Variants in IL12RB1 observed in about 807,000 individuals in gnomAD.
IL12RB1 encodes interleukin-12 receptor subunit beta-1.
IL12RB1 carries 64 observed loss-of-function variants against 94.4 expected under a neutral mutation model. The observed-to-expected ratio is 0.68, with a 90% CI of 0.55 to 0.83. IL12RB1 has a LOEUF of 0.83. IL12RB1 is among the 40% of genes least tolerant of loss of function. The pLI, the probability that IL12RB1 is intolerant of heterozygous loss-of-function variation, is 0.00. For synonymous variants in IL12RB1, 362 were observed against 355.5 expected, an observed-to-expected ratio of 1.02 and a Z score of -0.21; for missense variants, 814 against 855.6, an observed-to-expected ratio of 0.95 and a Z score of 0.61.
chr19:18,067,276 A>G (rs1011358485), intron 11 of IL12RB1, among the ~76,000 whole-genome samples: 4 of 143,730 alleles, frequency 2.8e-5, no homozygotes, highest in Admixed American at 7.3e-5. Context: ...GTGAGCCAAG[A>G]TCGTGCCACT....
chr19:18,087,152 G>A (rs2036401582), upstream of IL12RB1: 2 of 432,182 alleles, frequency 4.6e-6, no homozygotes, highest in Non-Finnish European at 4.3e-6. Flanking sequence ...AGCCCCATGG[G>A]CCCATGGGCC....
In IL12RB1 at chr19:18,075,597, A is replaced by G. The variant is rs191564501; in HGVS notation, c.700+152T>C. 1.9e-5 allele frequency: 14 copies of G among 721,584 alleles called. No homozygotes were observed. The African/African-American group carries it at 2.4e-4, about 13-fold the overall frequency. 44.7% of individuals were successfully genotyped at this position (721,584 alleles called of 1,614,324 possible). On this transcript the variant is annotated intron_variant, in intron 7 of 16. Coordinates refer to ENST00000593993, the MANE Select transcript of IL12RB1 (RefSeq NM_005535.3). Reference sequence around the variant, plus strand: ...TATTTTTTAGAGATGGGGTCTCACTATGTTGCCCGGGCTGGTCTCAAACCA... The same window carrying G: ...TATTTTTTAGAGATGGGGTCTCACTGTGTTGCCCGGGCTGGTCTCAAACCA...
chr19:18,064,134 C>T (rs1489290339), intron 12 of IL12RB1, 124 bp from the exon 13 acceptor site: 169 of 422,698 alleles, frequency 4.0e-4, no homozygotes, highest in South Asian at 5.8e-4. Flanking sequence ...TCTACTCTTT[C>T]TTTCTTTTTT....
At chr19:18,084,591 A>G (rs1276522199) in intron 1 of IL12RB1, among the ~76,000 whole-genome samples, 1 of 151,118 alleles carries the variant, frequency 6.6e-6, no homozygotes, top group Non-Finnish European at 1.5e-5. Context: ...CCATCTATCC[A>G]TCCACGTATT....
At chr19:18,079,679 G>A (rs919926470) in intron 4 of IL12RB1, among the ~76,000 whole-genome samples, 3 of 152,158 alleles carry the variant, frequency 2.0e-5, no homozygotes, top group African/African-American at 7.2e-5. Flanking sequence ...GGAGGCTGAG[G>A]CGGGTGGATC....
At chr19:18,071,632 A>AAACC (rs1016670158) in intron 9 of IL12RB1, among the ~76,000 whole-genome samples, 2 of 151,902 alleles carry the variant, frequency 1.3e-5, no homozygotes, top group Non-Finnish European at 2.9e-5. Flanking sequence ...TAAAAAAAAC[A>AAACC]AACCAACAAC....
Position 18,072,310 on chromosome 19 carries a change from C to T in IL12RB1, c.823G>A (p.Ala275Thr). ...LELPEGCQGL[A>T]PGTEVTYRLQ... is the part of the protein sequence containing the mutation. ...CGGTAAGTGACCTCCGTGCCAGGCG[C>T]CAGCCCTTGACAGCCTTCTGGAAGC... Residue 275 changes from alanine to threonine, a missense_variant, in exon 9 of 17, where the codon GCG becomes ACG. By Grantham distance (58) the Ala-to-Thr change is moderately conservative (BLOSUM62 0). Transcript: ENST00000593993. 1 of 1,614,056 alleles carries T rather than the reference C, an allele frequency of 6.2e-7. No homozygotes were observed. Among genetic ancestry groups the T allele is most frequent in the Non-Finnish European group, 8.5e-7 (1 of 1,179,984 alleles).
At chr19:18,092,102 C>T (rs2146574886) in intron 1 of IL12RB1, among the ~76,000 whole-genome samples, 1 of 151,402 alleles carries the variant, frequency 6.6e-6, no homozygotes, top group East Asian at 2.0e-4. Context: ...GTCTCAAATG[C>T]CTGACCTTAA....
At chr19:18,097,322 C>T (rs959396549) in intron 1 of IL12RB1, among the ~76,000 whole-genome samples, 2 of 152,138 alleles carry the variant, frequency 1.3e-5, no homozygotes, top group East Asian at 3.9e-4. Flanking sequence ...GGATTACAGG[C>T]GCGCGTCACC....
At chr19:18,073,089 A>C (rs2035195501) in intron 8 of IL12RB1, among the ~76,000 whole-genome samples, 1 of 152,044 alleles carries the variant, frequency 6.6e-6, no homozygotes, top group Non-Finnish European at 1.5e-5. Flanking sequence ...CAACGAGTGG[A>C]GTATTTGTCA....
intron 1 of IL12RB1, among the ~76,000 whole-genome samples, chr19:18,085,692 C>A (rs2036279351): frequency 6.6e-6 from 1 of 152,076 alleles, no homozygotes; most frequent in Non-Finnish European, 1.5e-5. Flanking sequence ...TCACTGCAAC[C>A]TCTGCCTCCT....
At chr19:18,087,875 T>G (rs147430558), upstream of IL12RB1, among the ~76,000 whole-genome samples, 153 of 152,264 alleles carry the variant, frequency 1.0e-3, no homozygotes, top group African/African-American at 3.7e-3. Context: ...GCAGTGTTCT[T>G]GGATGGCCTA....
chr19:18,096,814 G>C (rs1424817600), intron 1 of IL12RB1, among the ~76,000 whole-genome samples: 1 of 147,470 alleles, frequency 6.8e-6, no homozygotes, highest in Admixed American at 6.9e-5. Flanking sequence ...GGGCAACAGA[G>C]AGACTCGTCT....
upstream of IL12RB1, chr19:18,090,640 T>C (rs2036588965): frequency 6.6e-6 from 1 of 152,472 alleles, no homozygotes; most frequent in South Asian, 2.1e-4. Context: ...TCAGGCCTCA[T>C]CTTTCCCACC....
rs914545783 is a variant in IL12RB1 at position 18,060,983 on chromosome 19, A to C, written c.1791+139T>G. ...ATGGACCTCTGCCTGCCTGTCTTTAAAATGGGAAGGGGTATGGAGCACTGG... is the reference window on the plus strand; with the variant it reads ...ATGGACCTCTGCCTGCCTGTCTTTACAATGGGAAGGGGTATGGAGCACTGG... On this transcript the variant is annotated intron_variant, in intron 15 of 16. Transcript: ENST00000593993. 2.3e-5 allele frequency: 14 copies of C among 610,880 alleles called. No homozygotes were observed. In the South Asian group the frequency reaches 2.8e-4, roughly 12 times the overall value. 37.8% of individuals were successfully genotyped at this position (610,880 alleles called of 1,614,324 possible). A position where few individuals can be genotyped will look rare whatever the true frequency, so the allele number is the denominator to read the frequency against.
chr19:18,059,841 A>T, intron 16 of IL12RB1, 53 bp downstream of exon 16: 1 of 745,016 alleles, frequency 1.3e-6, no homozygotes, highest in Non-Finnish European at 2.1e-6. Context: ...TAGCCCCCCC[A>T]CCCCCCGGGC....
chr19:18,086,911 G>C lies in IL12RB1; in HGVS notation c.-88C>G. Reference sequence around the variant, plus strand: ...CCCCGTCCCCACTCCGGAACACATTGAAGCTGAGCAAGGAGAAAAGACTGA... The same window carrying C: ...CCCCGTCCCCACTCCGGAACACATTCAAGCTGAGCAAGGAGAAAAGACTGA... On this transcript the variant is annotated 5_prime_UTR_variant, in exon 1 of 17. Coordinates refer to ENST00000593993, the MANE Select transcript of IL12RB1 (RefSeq NM_005535.3). 1.9e-6 allele frequency: 3 copies of C among 1,568,632 alleles called. No homozygotes were observed. Among genetic ancestry groups the C allele is most frequent in the Non-Finnish European group, 2.6e-6 (3 of 1,155,896 alleles).
At chr19:18,083,583 C>CTGGGGGGGG (rs2036065546) in intron 1 of IL12RB1, 92 bp from the exon 2 acceptor site, 1 of 1,256,752 alleles carries the variant, frequency 8.0e-7, no homozygotes, top group Non-Finnish European at 1.1e-6. Flanking sequence ...AAGTGATCAT[C>CTGGGGGGGG]AGCCCTCCCA....
chr19:18,082,611 C>T (rs965004396), intron 2 of IL12RB1, among the ~76,000 whole-genome samples: 5 of 152,168 alleles, frequency 3.3e-5, no homozygotes, highest in African/African-American at 9.7e-5. Context: ...TTGTCTATCT[C>T]TTCCACTAGG....
Sources: gnomAD v4.1 joint callset for allele counts (sites outside exome capture counted in the v4.1 genomes callset) on GRCh38, gnomAD v4.1.1 for gene constraint, MANE v1.5 for transcripts, NCBI Gene and HGNC (gene_info 2026-07-23, HGNC 2026-07-21) for gene names.